Variants in NCOR1 observed in about 807,000 individuals in gnomAD.
NCOR1 encodes the protein protein phosphatase 1, regulatory subunit 109.
In NCOR1, 63 loss-of-function variants were observed where a neutral mutation model predicts 288.1. That is an observed-to-expected ratio of 0.22 (90% CI 0.18 to 0.27). NCOR1 has a LOEUF of 0.27. NCOR1 is among the 10% of genes least tolerant of loss of function. NCOR1 has a pLI of 1.00. For missense variants in NCOR1, 2,397 were observed against 3,019.2 expected (o/e 0.79, Z 4.83); for synonymous variants, 1,007 against 1,065.9 (o/e 0.94, Z 1.08).
chr17:16,065,923 A>G (rs558308152), intron 32 of NCOR1: 1 of 531,446 alleles, frequency 1.9e-6, no homozygotes, highest in Non-Finnish European at 3.4e-6. Flanking sequence ...CAGTAGCTAA[A>G]AACTTCTCAA....
At chr17:16,106,921 C>T (rs1390196127) in intron 19 of NCOR1, among the ~76,000 whole-genome samples, 2 of 101,486 alleles carry the variant, frequency 2.0e-5, no homozygotes, top group Non-Finnish European at 3.6e-5. Flanking sequence ...TTGAGACAGT[C>T]TCGCTCTGTC....
rs773322080 is a variant in NCOR1 at position 16,143,747 on chromosome 17, C to T, written c.1083-51G>A. Reference sequence around the variant, plus strand: ...TATATTTAAAGACCTTATATAAAGACATATCAATTAAATTAACTATAGATT... The same window carrying T: ...TATATTTAAAGACCTTATATAAAGATATATCAATTAAATTAACTATAGATT... On this transcript the variant is annotated intron_variant, in intron 10 of 45. Transcript: ENST00000268712. The T allele has an allele frequency of 9.1e-6, 12 of 1,315,606 alleles. No individual in the cohort carries two copies. In the South Asian group the frequency reaches 1.5e-4, roughly 16 times the overall value. The allele number at this position is 1,315,606 out of a possible 1,614,324, so 81.5% of individuals were successfully genotyped here.
intron 2 of NCOR1, among the ~76,000 whole-genome samples, chr17:16,187,594 T>C (rs948404931): frequency 6.6e-6 from 1 of 150,738 alleles, no homozygotes; most frequent in South Asian, 2.1e-4. Context: ...ATTCCATTTA[T>C]ATAAAATGTC....
At chr17:16,180,611 AG>A (rs1474883832) in intron 3 of NCOR1, among the ~76,000 whole-genome samples, 4 of 152,186 alleles carry the variant, frequency 2.6e-5, no homozygotes, top group African/African-American at 9.6e-5. Context: ...AGCCAGGCAC[AG>A]TGGCATGCAC....
chr17:16,112,834 C>T (rs1234334124), intron 18 of NCOR1, among the ~76,000 whole-genome samples: 1 of 151,996 alleles, frequency 6.6e-6, no homozygotes, highest in Non-Finnish European at 1.5e-5. Context: ...CAGATAGACA[C>T]TTACTATATC....
chr17:16,075,819 A>C, intron 26 of NCOR1, 117 bp from the exon 27 acceptor site: 1 of 1,071,416 alleles, frequency 9.3e-7, no homozygotes, highest in Non-Finnish European at 1.3e-6. Flanking sequence ...TCAAAGAAGA[A>C]AGCACACATA....
At position 16,158,755 on chromosome 17, in the gene NCOR1, C is replaced by A; in HGVS notation, c.732+5G>T. The A allele has an allele frequency of 6.3e-7, 1 of 1,599,942 alleles. No individual in the cohort carries two copies. On this transcript the variant is annotated splice_donor_5th_base_variant and intron_variant, in intron 6 of 45. Coordinates refer to ENST00000268712, the MANE Select transcript of NCOR1 (RefSeq NM_006311.4). ...CCTGTGCTGCCAGAGATGGTATGAG[C>A]TTACCCGATTCTCATCATAAATAAT...
intron 40 of NCOR1, chr17:16,049,227 C>T (rs2059024656): frequency 6.8e-6 from 2 of 293,516 alleles, no homozygotes; most frequent in South Asian, 1.9e-4. Flanking sequence ...ATCCAGGAGT[C>T]ACGTCATCAG....
At chr17:16,153,173 A>C (rs535312873) in intron 7 of NCOR1, among the ~76,000 whole-genome samples, 166 bp downstream of exon 7, 15 of 152,276 alleles carry the variant, frequency 9.9e-5, no homozygotes, top group Admixed American at 7.9e-4. Context: ...CTGCAAAGGT[A>C]ACCAAGTTCA....
At chr17:16,197,388 T>A (rs1376635869) in intron 1 of NCOR1, among the ~76,000 whole-genome samples, 1 of 151,862 alleles carries the variant, frequency 6.6e-6, no homozygotes, top group Admixed American at 6.6e-5. Flanking sequence ...TAAATAAATA[T>A]ACCATCCTCC....
Position 16,146,356 on chromosome 17 carries a change from T to G in NCOR1, c.1082+20A>C, listed in dbSNP as rs767456011. 8 of 1,566,398 alleles carry G rather than the reference T, an allele frequency of 5.1e-6. No homozygotes were observed. The South Asian group carries it at 9.8e-5, about 19-fold the overall frequency. ...TATTTGAAGAAAAATATCACAGTCA[T>G]TAAACATCAAACTACTCACCGCTGA... On this transcript the variant is annotated intron_variant, in intron 10 of 45. Transcript: ENST00000268712.
At chr17:16,074,099 C>T (rs1226757507) in intron 27 of NCOR1, among the ~76,000 whole-genome samples, 4 of 152,084 alleles carry the variant, frequency 2.6e-5, no homozygotes, top group African/African-American at 7.2e-5. Flanking sequence ...GCGTGGTAAC[C>T]GGCTAATGTG....
chr17:16,214,323 A>G (rs1210679356), intron 1 of NCOR1, among the ~76,000 whole-genome samples: 2 of 152,230 alleles, frequency 1.3e-5, no homozygotes, highest in Non-Finnish European at 2.9e-5. Context: ...GCAGCTATTG[A>G]TCAAGATATA....
Position 16,193,047 on chromosome 17 carries a change from C to T in NCOR1, c.108+1415G>A, listed in dbSNP as rs549868489. Among the ~76,000 whole-genome samples, 316 of 152,142 alleles carry T rather than the reference C, an allele frequency of 2.1e-3. 1 individual carries two copies. The highest frequency in any genetic ancestry group is 7.1e-3 in the African/African-American group (296 of 41,520). ...AGGAAGTCGGGGAGGAGGACTGACA[C>T]GGGTGGGTGCCAAGGAGGATGGGGT... On this transcript the variant is annotated intron_variant, in intron 2 of 45. Transcript: ENST00000268712.
At chr17:16,083,883 TA>T (rs1365301841) in intron 23 of NCOR1, among the ~76,000 whole-genome samples, 2 of 151,970 alleles carry the variant, frequency 1.3e-5, no homozygotes, top group Non-Finnish European at 2.9e-5. Context: ...ACATCACCCT[TA>T]AAACATGTTT....
intron 2 of NCOR1, among the ~76,000 whole-genome samples, chr17:16,192,564 G>A (rs1244769330): frequency 4.6e-5 from 7 of 152,162 alleles, no homozygotes; most frequent in Non-Finnish European, 5.9e-5. Context: ...GCTGAGACAG[G>A]AGAATTGCTT....
Position 16,080,421 on chromosome 17 carries a change from T to G in NCOR1, c.3387A>C (p.Glu1129Asp). Residue 1129 changes from glutamate (E) to aspartate (D), a missense_variant, in exon 25 of 46, where the codon GAA (glutamate) becomes GAC (aspartate). Coordinates refer to ENST00000268712, the MANE Select transcript of NCOR1 (RefSeq NM_006311.4). Reference sequence around the variant, plus strand: ...AGCATATTTTACCTCTGACTACACCTTCATGTTGGGCCCTGACCAACAGAC... The same window carrying G: ...AGCATATTTTACCTCTGACTACACCGTCATGTTGGGCCCTGACCAACAGAC... ...PEGLLVRAQH[E>D]GVVRGTAGAI... is the part of the protein sequence containing the mutation. 6.2e-7 allele frequency: 1 copy of G among 1,613,822 alleles called. No individual in the cohort carries two copies.
intron 14 of NCOR1, among the ~76,000 whole-genome samples, chr17:16,129,230 G>T (rs576577538): frequency 1.3e-4 from 20 of 152,006 alleles, no homozygotes; most frequent in Non-Finnish European, 2.6e-4. Flanking sequence ...GCACTGCTTT[G>T]CCTCCTAGAT....
At chr17:16,052,080 C>A (rs1216008599) in intron 40 of NCOR1, among the ~76,000 whole-genome samples, 2 of 152,002 alleles carry the variant, frequency 1.3e-5, no homozygotes, top group Non-Finnish European at 2.9e-5. Flanking sequence ...GCGATCTTGG[C>A]TCACTGCAAG....
Sources: gnomAD v4.1 joint callset for allele counts (sites outside exome capture counted in the v4.1 genomes callset) on GRCh38, gnomAD v4.1.1 for gene constraint, MANE v1.5 for transcripts, NCBI Gene and HGNC (gene_info 2026-07-23, HGNC 2026-07-21) for gene names.